Variants in MMP9 observed in about 807,000 individuals in gnomAD.
MMP9 encodes the protein matrix metalloproteinase-9.
Under a neutral mutation model 76.4 loss-of-function variants are expected in MMP9, and 73 were observed. The ratio of observed to expected loss-of-function variants is 0.96; its 90% CI spans 0.79 to 1.16. The LOEUF (loss-of-function observed/expected upper bound fraction) is 1.16, where lower values mean the gene tolerates loss of function less well. Ranked by LOEUF, MMP9 falls within the 50% of genes most tolerant of loss-of-function variation. The pLI is 0.00. For synonymous variants in MMP9, 412 were observed against 408.4 expected (o/e 1.01, Z -0.11); for missense variants, 943 against 973.0 (o/e 0.97, Z 0.41).
At chr20:46,012,861 A>T (rs2084292661) in intron 8 of MMP9, among the ~76,000 whole-genome samples, 1 of 152,196 alleles carries the variant, frequency 6.6e-6, no homozygotes, top group African/African-American at 2.4e-5. Flanking sequence ...GGGAGACCCA[A>T]GGCGGGAGGA....
At chr20:46,015,291 G>T in intron 12 of MMP9, among the ~76,000 whole-genome samples, 1 of 152,234 alleles carries the variant, frequency 6.6e-6, no homozygotes. Flanking sequence ...CCTCTGTCTG[G>T]AAAGCTTCCC....
Position 46,014,280 on chromosome 20 carries a change from C to T in MMP9, c.1901+6C>T, listed in dbSNP as rs912304552. 19 of 1,524,896 alleles carry T rather than the reference C, an allele frequency of 1.2e-5. No individual in the cohort carries two copies. The African/African-American group carries it at 1.8e-4, about 14-fold the overall frequency. 94.5% of individuals were successfully genotyped at this position (1,524,896 alleles called of 1,614,324 possible). A position where few individuals can be genotyped will look rare whatever the true frequency, so the allele number is the denominator to read the frequency against. ...AGCGGGCGGCGCCTCTGGAGGTGAG[C>T]GCCGCCGCGGCCGCCGGCAGGGGGA... On this transcript the variant is annotated splice_donor_region_variant and intron_variant, in intron 11 of 12. Coordinates refer to ENST00000372330, the MANE Select transcript of MMP9 (RefSeq NM_004994.3).
chr20:46,009,751 G>A (rs1436649727), intron 1 of MMP9, 115 bp from the exon 2 acceptor site: 6 of 944,680 alleles, frequency 6.4e-6, no homozygotes, highest in African/African-American at 1.6e-5. Context: ...CCGTCTCTCC[G>A]AAAAAGAAAA....
Position 46,013,265 on chromosome 20 carries a change from T to A in MMP9, c.1341T>A (p.Pro447=), listed in dbSNP as rs747320334. 4.2e-5 allele frequency: 68 copies of A among 1,613,900 alleles called. No homozygotes were observed. The highest frequency in any genetic ancestry group is 5.6e-5 in the Non-Finnish European group (66 of 1,179,984). The part of the protein sequence containing the change: ...NGIRHLYGPR[P]EPEPRPPTTT... Reference sequence around the variant, plus strand: ...CGTGTCTCTTTTTAGGTCCTCGCCCTGAACCTGAGCCACGGCCTCCAACCA... The same window carrying A: ...CGTGTCTCTTTTTAGGTCCTCGCCCAGAACCTGAGCCACGGCCTCCAACCA... The change falls in exon 9 of 13, where the codon CCT becomes CCA. Residue 447 remains proline (P), a synonymous_variant. Transcript: ENST00000372330. This position sits in a 1 kb window ranked among gnomAD's most constrained non-coding sequence, Gnocchi z 4.5.
Position 46,011,889 on chromosome 20 carries a change from C to T in MMP9, c.997+142C>T, listed in dbSNP as rs1262901836. ...ACCGTGACTCCGCCCACCTACACCACATTTCCACCACTATCCCTGACTTCC... is the reference window on the plus strand; with the variant it reads ...ACCGTGACTCCGCCCACCTACACCATATTTCCACCACTATCCCTGACTTCC... On this transcript the variant is annotated intron_variant, in intron 6 of 12. Coordinates refer to ENST00000372330, the MANE Select transcript of MMP9 (RefSeq NM_004994.3). 5 of 1,127,438 alleles carry T rather than the reference C, an allele frequency of 4.4e-6. No individual in the cohort carries two copies. The Admixed American group carries it at 1.0e-4, about 23-fold the overall frequency. 69.8% of individuals were successfully genotyped at this position (1,127,438 alleles called of 1,614,324 possible). A position where few individuals can be genotyped will look rare whatever the true frequency, so the allele number is the denominator to read the frequency against.
In MMP9 at chr20:46,012,519, T is replaced by C; in HGVS notation, c.1267T>C (p.Tyr423His). The change falls in exon 8 of 13, where the codon TAC becomes CAC. Residue 423 changes from tyrosine to histidine, a missense_variant. By Grantham distance (83) the Tyr-to-His change is moderately conservative. Transcript: ENST00000372330. The stretch of plus-strand genomic sequence containing the variant: ...GCCGGAGGCGCTCATGTACCCTATG[T>C]ACCGCTTCACTGAGGGGCCCCCCTT... ...SVPEALMYPMYRFTEGPPLHK... is the reference protein window; with the variant it reads ...SVPEALMYPMHRFTEGPPLHK... The C allele has an allele frequency of 6.2e-7, 1 of 1,613,986 alleles. No individual in the cohort carries two copies. The highest frequency in any genetic ancestry group is 8.5e-7 in the Non-Finnish European group (1 of 1,179,856).
rs748636725 is a variant in MMP9 at position 46,016,263 on chromosome 20, C to A, written c.2019C>A (p.Phe673Leu). The change falls in exon 13 of 13, where the codon TTC becomes TTA. Residue 673 changes from phenylalanine (F) to leucine (L), a missense_variant. Coordinates refer to ENST00000372330, the MANE Select transcript of MMP9 (RefSeq NM_004994.3). ...TGTCTCCTGCAGAGAAAGCCTATTT[C>A]TGCCAGGACCGCTTCTACTGGCGCG... ...DVFQYREKAY[F>L]CQDRFYWRVS... 4 of 1,614,230 alleles carry A rather than the reference C, an allele frequency of 2.5e-6. No individual in the cohort carries two copies. In the South Asian group the frequency reaches 4.4e-5, roughly 18 times the overall value.
At position 46,014,375 on chromosome 20, in the gene MMP9, G is replaced by C. The variant is rs2084306417; in HGVS notation, c.1906G>C (p.Asp636His). 1 of 1,548,050 alleles carries C rather than the reference G, an allele frequency of 6.5e-7. No individual in the cohort carries two copies. Among genetic ancestry groups the C allele is most frequent in the Non-Finnish European group, 8.7e-7 (1 of 1,146,960 alleles). ...LFSGRRLWRF[D>H]VKAQMVDPRS... ...CTCCTCCGCGCCTGCCCGCAGGTTC[G>C]ACGTGAAGGCGCAGATGGTGGATCC... The change falls in exon 12 of 13, where the codon GAC (aspartate) becomes CAC (histidine). Residue 636 changes from aspartate (D) to histidine (H), a missense_variant. By Grantham distance (81) the Asp-to-His change is moderately conservative. Transcript: ENST00000372330.
At chr20:46,010,816 A>T (rs576886776) in intron 3 of MMP9, 106 bp from the exon 4 acceptor site, 1 of 1,595,540 alleles carries the variant, frequency 6.3e-7, no homozygotes, top group South Asian at 1.1e-5. Flanking sequence ...AGCTTCGCGC[A>T]GGCGGGATTT....
rs1056628 is a variant in MMP9, at chr20:46,016,407, A to C, written c.*39A>C. On this transcript the variant is annotated 3_prime_UTR_variant, in exon 13 of 13. Coordinates refer to ENST00000372330, the MANE Select transcript of MMP9 (RefSeq NM_004994.3). The stretch of plus-strand genomic sequence containing the variant: ...CTTTGGCAGTGCCATGTAAATCCCC[A>C]CTGGGACCAACCCTGGGGAAGGAGC... The C allele has an allele frequency of 1.3e-6, 2 of 1,519,342 alleles. No individual in the cohort carries two copies. Among genetic ancestry groups the C allele is most frequent in the Non-Finnish European group, 1.8e-6 (2 of 1,093,996 alleles). The allele number at this position is 1,519,342 out of a possible 1,614,324, so 94.1% of individuals were successfully genotyped here. A position where few individuals can be genotyped will look rare whatever the true frequency, so the allele number is the denominator to read the frequency against.
At chr20:46,016,222 T>C (rs776709029) in intron 12 of MMP9, 28 bp from the exon 13 acceptor site, 2 of 1,576,238 alleles carry the variant, frequency 1.3e-6, no homozygotes, top group East Asian at 2.2e-5. Flanking sequence ...TTAGAATCAC[T>C]CCTCTTATGC....
chr20:46,010,363 A>G (rs905568911), intron 2 of MMP9, 120 bp from the exon 3 acceptor site: 35 of 995,348 alleles, frequency 3.5e-5, no homozygotes, highest in Middle Eastern at 2.2e-4. Flanking sequence ...CAATTTATAG[A>G]TGAGAGCGTG....
chr20:46,011,896 A>T, intron 6 of MMP9, 149 bp downstream of exon 6: 2 of 1,109,764 alleles, frequency 1.8e-6, no homozygotes, highest in East Asian at 5.2e-5. Context: ...CCACATTTCC[A>T]CCACTATCCC....
Position 46,012,458 on chromosome 20 carries a change from G to A in MMP9, c.1206G>A (p.Glu402=). 1 of 1,614,196 alleles carries A rather than the reference G, an allele frequency of 6.2e-7. No individual in the cohort carries two copies. Among genetic ancestry groups the A allele is most frequent in the Non-Finnish European group, 8.5e-7 (1 of 1,180,014 alleles). Reference sequence around the variant, plus strand: ...GTTTGTTCCTCGTGGCGGCGCATGAGTTCGGCCACGCGCTGGGCTTAGATC... The same window carrying A: ...GTTTGTTCCTCGTGGCGGCGCATGAATTCGGCCACGCGCTGGGCTTAGATC... ...GYSLFLVAAH[E]FGHALGLDHS... is the part of the protein sequence containing the mutation. Residue 402 remains glutamate, a synonymous_variant, in exon 8 of 13, where the codon GAG becomes GAA. Coordinates refer to ENST00000372330, the MANE Select transcript of MMP9 (RefSeq NM_004994.3).
rs544405288 is a variant in MMP9, at chr20:46,010,839, A to C, written c.521-83A>C. 8.1e-6 allele frequency: 13 copies of C among 1,611,528 alleles called. No homozygotes were observed. In the South Asian group the frequency reaches 1.1e-4, roughly 14 times the overall value. On this transcript the variant is annotated intron_variant, in intron 3 of 12. Coordinates refer to ENST00000372330, the MANE Select transcript of MMP9 (RefSeq NM_004994.3). The stretch of plus-strand genomic sequence containing the variant: ...GCAGGCGGGATTTCAGCCCGCACTT[A>C]TTTCGGAGCCCTTGCCTTGGGCAGC...
chr20:46,010,732 C>T, intron 3 of MMP9, 101 bp downstream of exon 3: 2 of 1,541,762 alleles, frequency 1.3e-6, no homozygotes, highest in Non-Finnish European at 1.8e-6. Context: ...CTTCCTCTTG[C>T]CTGCCCGCGC....
In MMP9 at chr20:46,014,715, C is replaced by T. The variant is rs1296282501; in HGVS notation, c.2005+241C>T. 20 of 581,684 alleles carry T rather than the reference C, an allele frequency of 3.4e-5. No homozygotes were observed. The Admixed American group carries it at 5.1e-4, about 15-fold the overall frequency. 36.0% of individuals were successfully genotyped at this position (581,684 alleles called of 1,614,324 possible). A position where few individuals can be genotyped will look rare whatever the true frequency, so the allele number is the denominator to read the frequency against. ...AAGCTCTTTCTCCTTCAGTACAGGA[C>T]GGCAGGTGGTTTGTATGGAAGCTCA... On this transcript the variant is annotated intron_variant, in intron 12 of 12. Transcript: ENST00000372330.
rs768338998 is a variant in MMP9 at position 46,013,319 on chromosome 20, G to C, written c.1395G>C (p.Pro465=). The change falls in exon 9 of 13, where the codon CCG becomes CCC. Residue 465 remains proline, a synonymous_variant. Transcript: ENST00000372330. The surrounding 1 kb of genome is among the most constrained non-coding windows in gnomAD (Gnocchi z 4.5). ...TTTTPQPTAP[P]TVCPTGPPTV... ...CCACACCGCAGCCCACGGCTCCCCCGACGGTCTGCCCCACCGGACCCCCCA... is the reference window on the plus strand; with the variant it reads ...CCACACCGCAGCCCACGGCTCCCCCCACGGTCTGCCCCACCGGACCCCCCA... 7.4e-6 allele frequency: 12 copies of C among 1,613,550 alleles called. No individual in the cohort carries two copies. Among genetic ancestry groups the C allele is most frequent in the Non-Finnish European group, 9.3e-6 (11 of 1,179,854 alleles).
Position 46,011,306 on chromosome 20 carries a change from C to A in MMP9, c.813C>A (p.Cys271Ter). Residue 271 changes from cysteine to a stop codon, truncating the protein, a stop_gained, in exon 5 of 13, where the codon TGC becomes TGA. Coordinates refer to ENST00000372330, the MANE Select transcript of MMP9 (RefSeq NM_004994.3). LOFTEE classifies it high-confidence loss of function. ...ACACCGACGACCGGTTTGGCTTCTG[C>A]CCCAGCGAGAGTGAGTGAGGGGGCT... Reference protein sequence around the residue: ...NYDTDDRFGFCPSERLYTQDG... With the variant: ...NYDTDDRFGF 6.2e-7 allele frequency: 1 copy of A among 1,604,518 alleles called. No individual in the cohort carries two copies. Among genetic ancestry groups the A allele is most frequent in the Non-Finnish European group, 8.5e-7 (1 of 1,178,150 alleles).
Sources: gnomAD v4.1 joint callset for allele counts (sites outside exome capture counted in the v4.1 genomes callset) on GRCh38, gnomAD v4.1.1 for gene constraint, Gnocchi (gnomAD v3.1) non-coding constraint, MANE v1.5 for transcripts, NCBI Gene and HGNC (gene_info 2026-07-23, HGNC 2026-07-21) for gene names.